Variants in COX10 observed in about 807,000 individuals in gnomAD.
COX10 encodes cytochrome c oxidase assembly factor heme A:farnesyltransferase COX10.
In COX10, 27 loss-of-function variants were observed where a neutral mutation model predicts 37.3. The observed-to-expected ratio is 0.72, with a 90% confidence interval of 0.53 to 1.00. The LOEUF (loss-of-function observed/expected upper bound fraction) is 1.00, where lower values mean the gene tolerates loss of function less well. Among genes scored for constraint, COX10 ranks in the 50% least tolerant of loss-of-function variants. COX10 has a pLI of 0.00. For missense variants in COX10, 475 were observed against 563.2 expected (o/e 0.84, Z 1.59); for synonymous variants, 222 against 229.1 (o/e 0.97, Z 0.28).
At chr17:14,180,698 A>G (rs1005100320) in intron 5 of COX10, among the ~76,000 whole-genome samples, 2 of 152,228 alleles carry the variant, frequency 1.3e-5, no homozygotes, top group Non-Finnish European at 2.9e-5. Context: ...CTTGTAGCCA[A>G]TTAAAACATA....
chr17:14,166,500 A>G (rs1383147074), intron 5 of COX10, among the ~76,000 whole-genome samples: 1 of 152,154 alleles, frequency 6.6e-6, no homozygotes, highest in African/African-American at 2.4e-5. Flanking sequence ...CTTATTGACA[A>G]TGCACCTGGT....
intron 4 of COX10, among the ~76,000 whole-genome samples, chr17:14,146,501 A>G (rs1233343371): frequency 6.6e-6 from 1 of 152,186 alleles, no homozygotes; most frequent in Admixed American, 6.6e-5. Context: ...TCAAATCAAA[A>G]TGGATTAAAG....
chr17:14,156,141 CACCTGACAAGTGATATATTATT>C (rs1905035485), intron 4 of COX10, among the ~76,000 whole-genome samples: 1 of 152,214 alleles, frequency 6.6e-6, no homozygotes. Context: ...ATCCTTACAT[CACCTGACAAGTGATATATTATT>C]ATTTTTGGTT....
intron 4 of COX10, among the ~76,000 whole-genome samples, chr17:14,109,824 C>T (rs775903936): frequency 5.3e-5 from 8 of 152,042 alleles, no homozygotes; most frequent in Non-Finnish European, 1.2e-4. Context: ...CTAACGACAT[C>T]GAGTGGATCT....
chr17:14,183,048 A>G (rs1905914168), intron 5 of COX10, among the ~76,000 whole-genome samples: 1 of 150,478 alleles, frequency 6.6e-6, no homozygotes. Context: ...TAAAAAGGAG[A>G]AAAAAATAAT....
At chr17:14,168,467 A>G (rs1905356240) in intron 5 of COX10, among the ~76,000 whole-genome samples, 1 of 152,202 alleles carries the variant, frequency 6.6e-6, no homozygotes, top group African/African-American at 2.4e-5. Flanking sequence ...TGGGGACTCT[A>G]TATGGGGGCT....
chr17:14,081,123 G>A lies in COX10; in HGVS notation c.499+4067G>A, dbSNP rs1227853189. Among the ~76,000 whole-genome samples the A allele has an allele frequency of 2.0e-5, 3 of 152,208 alleles. No homozygotes were observed. The East Asian group carries it at 5.8e-4, about 29-fold the overall frequency. The stretch of plus-strand genomic sequence containing the variant: ...CCCACTTGTTCTGAGCATATATCAT[G>A]CCGCAGTGACAGAGTTAATTGCAAC... On this transcript the variant is annotated intron_variant, in intron 3 of 6. Transcript: ENST00000261643.
intron 4 of COX10, among the ~76,000 whole-genome samples, chr17:14,149,258 T>C (rs180902836): frequency 3.2e-4 from 48 of 152,174 alleles, no homozygotes; most frequent in African/African-American, 1.1e-3. Flanking sequence ...ACTATGTTTA[T>C]ATCAATTAGT....
At chr17:14,087,576 TTAAG>T (rs535202583) in intron 3 of COX10, among the ~76,000 whole-genome samples, 287 of 152,298 alleles carry the variant, frequency 1.9e-3, no homozygotes, top group Non-Finnish European at 2.2e-3. Flanking sequence ...CGCTCGCATT[TTAAG>T]TAAGAGGAAC....
chr17:14,112,760 C>A (rs1597505525), intron 4 of COX10, among the ~76,000 whole-genome samples: 1 of 152,150 alleles, frequency 6.6e-6, no homozygotes, highest in East Asian at 1.9e-4. Flanking sequence ...ACTTTCCAGA[C>A]AGAGGGAGCA....
At chr17:14,095,958 A>G (rs1555534469) in intron 3 of COX10, among the ~76,000 whole-genome samples, 7 of 152,122 alleles carry the variant, frequency 4.6e-5, no homozygotes, top group Non-Finnish European at 1.0e-4. Context: ...GAACTAGGTA[A>G]TTTATAAAGA....
intron 6 of COX10, among the ~76,000 whole-genome samples, chr17:14,201,864 G>A (rs982460829): frequency 6.6e-6 from 1 of 152,162 alleles, no homozygotes; most frequent in African/African-American, 2.4e-5. Context: ...GTGACCCCAC[G>A]CCCCAAGACT....
At position 14,120,592 on chromosome 17, in the gene COX10, T is replaced by C. The variant is rs1390842566; in HGVS notation, c.624+18350T>C. Among the ~76,000 whole-genome samples the C allele has an allele frequency of 2.0e-5, 3 of 152,258 alleles. No homozygotes were observed. In the East Asian group the frequency reaches 5.8e-4, roughly 29 times the overall value. On this transcript the variant is annotated intron_variant, in intron 4 of 6. Coordinates refer to ENST00000261643, the MANE Select transcript of COX10 (RefSeq NM_001303.4). ...CAGTGATGACCTTAGGAAAAGCTGC[T>C]TTGTTGGTCTGTTGGATGGGGAAGC...
chr17:14,203,009 T>G (rs1179851742), intron 6 of COX10, among the ~76,000 whole-genome samples: 1 of 152,058 alleles, frequency 6.6e-6, no homozygotes, highest in Non-Finnish European at 1.5e-5. Context: ...CTGTTTTGAG[T>G]CGTCTCAAAA....
In COX10 at chr17:14,192,215, G is replaced by T. The variant is rs764489645; in HGVS notation, c.922G>T (p.Asp308Tyr). The T allele has an allele frequency of 1.2e-6, 2 of 1,614,226 alleles. No homozygotes were observed. Among genetic ancestry groups the T allele is most frequent in the Non-Finnish European group, 1.7e-6 (2 of 1,180,024 alleles). Residue 308 changes from aspartate to tyrosine, a missense_variant, in exon 6 of 7, where the codon GAT becomes TAT. By Grantham distance (160) the Asp-to-Tyr change is radical. Around this residue, in one of 5 missense-constraint regions of COX10, gnomAD observed 17 missense variants for 36.3 expected, o/e 0.47. Coordinates refer to ENST00000261643, the MANE Select transcript of COX10 (RefSeq NM_001303.4). ...CTGGACAGCGGCCACGGGCAGCCTC[G>T]ATGCTGGTAAGTGTCCCGCGATGTG... Reference protein sequence around the residue: ...MGWTAATGSLDAGAFLLGGIL... With the variant: ...MGWTAATGSLYAGAFLLGGIL...
chr17:14,186,194 A>C (rs557200935), intron 5 of COX10, among the ~76,000 whole-genome samples: 1 of 152,252 alleles, frequency 6.6e-6, no homozygotes, highest in South Asian at 2.1e-4. Context: ...TCCTTCTAAA[A>C]AAGCAGATCT....
chr17:14,182,386 C>T (rs879083929), intron 5 of COX10: 13 of 891,472 alleles, frequency 1.5e-5, no homozygotes, highest in East Asian at 2.4e-4. Context: ...TTATATTCTT[C>T]GCATTTCTTT....
At chr17:14,102,088 C>CAGT (rs759664946) in intron 3 of COX10, 30 bp from the exon 4 acceptor site, 1 of 1,613,204 alleles carries the variant, frequency 6.2e-7, no homozygotes, top group African/African-American at 1.3e-5. Context: ...CTGTTGGTAA[C>CAGT]AGTGTGTCTG....
chr17:14,079,702 G>A (rs1330571140), intron 3 of COX10, among the ~76,000 whole-genome samples: 1 of 151,940 alleles, frequency 6.6e-6, no homozygotes, highest in Non-Finnish European at 1.5e-5. Context: ...TAATACAGAA[G>A]CATATATTTT....
Sources: gnomAD v4.1 joint callset for allele counts (sites outside exome capture counted in the v4.1 genomes callset) on GRCh38, gnomAD v4.1.1 for gene constraint, gnomAD v4.1.1 regional missense constraint, MANE v1.5 for transcripts, NCBI Gene and HGNC (gene_info 2026-07-23, HGNC 2026-07-21) for gene names.